The following EPHA6 variants were observed in gnomAD, a reference collection of about 807,000 sequenced individuals.
EPHA6 encodes the protein EPH receptor A6.
A neutral mutation model predicts 112.0 loss-of-function variants in EPHA6; 50 were observed. The observed-to-expected ratio is 0.45, with a 90% confidence interval of 0.36 to 0.56. EPHA6 has a LOEUF of 0.56. EPHA6 is among the 20% of genes least tolerant of loss of function. EPHA6 has a pLI of 0.00. For missense variants in EPHA6, 1,280 were observed against 1,417.4 expected (o/e 0.90, Z 1.56); for synonymous variants, 529 against 490.7 (o/e 1.08, Z -1.03).
At chr3:97,483,904 A>G in intron 9 of EPHA6, 30 bp from the exon 10 acceptor site, 2 of 1,578,670 alleles carry the variant, frequency 1.3e-6, no homozygotes, top group Non-Finnish European at 1.7e-6. Context: ...TACTCAAACT[A>G]AATCAATCGT....
intron 11 of EPHA6, among the ~76,000 whole-genome samples, chr3:97,539,888 T>G (rs2092824774): frequency 6.6e-6 from 1 of 152,066 alleles, no homozygotes; most frequent in South Asian, 2.1e-4. Flanking sequence ...ATGAAGAATG[T>G]GAAAGAAAGC....
chr3:97,283,604 AG>A (rs1559850880), intron 5 of EPHA6, among the ~76,000 whole-genome samples: 1 of 151,962 alleles, frequency 6.6e-6, no homozygotes, highest in Non-Finnish European at 1.5e-5. Flanking sequence ...GGAGCCTTTC[AG>A]GGGGGTGAGG....
At chr3:97,576,712 AATTAG>A (rs1374878325) in intron 11 of EPHA6, among the ~76,000 whole-genome samples, 1 of 152,332 alleles carries the variant, frequency 6.6e-6, no homozygotes, top group African/African-American at 2.4e-5. Context: ...GTGACATTAA[AATTAG>A]ATTAGAGATG....
chr3:96,960,387 C>G (rs1190367316), intron 2 of EPHA6, among the ~76,000 whole-genome samples: 2 of 152,172 alleles, frequency 1.3e-5, no homozygotes, highest in Non-Finnish European at 2.9e-5. Context: ...CTGGTTGCCA[C>G]TCAAACTTGG....
intron 3 of EPHA6, among the ~76,000 whole-genome samples, chr3:97,213,244 C>A (rs1262710654): frequency 6.6e-6 from 1 of 152,140 alleles, no homozygotes; most frequent in African/African-American, 2.4e-5. Context: ...TGCCCTTCTG[C>A]AACTACATTC....
chr3:97,397,806 C>G (rs2086778917), intron 5 of EPHA6, among the ~76,000 whole-genome samples: 1 of 151,176 alleles, frequency 6.6e-6, no homozygotes, highest in African/African-American at 2.4e-5. Context: ...ATAATAATTA[C>G]AGATACTATT....
At chr3:97,217,317 GA>G (rs1282976973) in intron 3 of EPHA6, among the ~76,000 whole-genome samples, 3 of 152,032 alleles carry the variant, frequency 2.0e-5, no homozygotes, top group Non-Finnish European at 2.9e-5. Flanking sequence ...ATTCAACAAA[GA>G]AGATAAAACA....
rs531783135 is a variant in EPHA6, at chr3:97,072,351, T to C, written c.1114+84358T>C. Among the ~76,000 whole-genome samples the C allele has an allele frequency of 9.2e-5, 14 of 152,144 alleles. No individual in the cohort carries two copies. The South Asian group carries it at 2.9e-3, about 32-fold the overall frequency. On this transcript the variant is annotated intron_variant, in intron 3 of 17. Transcript: ENST00000389672. ...CCCAATCCCGTATGACTGGTGTCCT[T>C]ATGAAAGAGGGAAATTTGGACATAG...
intron 10 of EPHA6, among the ~76,000 whole-genome samples, chr3:97,506,048 AATTTGTTTAAGTTCTTTGT>A (rs2092244302): frequency 6.6e-6 from 1 of 151,718 alleles, no homozygotes; most frequent in South Asian, 2.1e-4. Flanking sequence ...TTTTCTCGTA[AATTTGTTTAAGTTCTTTGT>A]AGATTCTGGA....
At chr3:97,502,985 C>T (rs1365913599) in intron 10 of EPHA6, among the ~76,000 whole-genome samples, 1 of 149,994 alleles carries the variant, frequency 6.7e-6, no homozygotes, top group African/African-American at 2.5e-5. Context: ...CTAACTCTGA[C>T]AAAACAAATC....
chr3:97,549,629 CA>C (rs1193564246), intron 11 of EPHA6, among the ~76,000 whole-genome samples: 1 of 151,932 alleles, frequency 6.6e-6, no homozygotes, highest in Non-Finnish European at 1.5e-5. Flanking sequence ...TTGGCCAAAG[CA>C]AAAAGTTTGT....
intron 9 of EPHA6, chr3:97,481,052 C>T (rs1434165543): frequency 4.8e-6 from 2 of 417,270 alleles, no homozygotes; most frequent in Non-Finnish European, 9.2e-6. Flanking sequence ...GGCAGAGAGG[C>T]TCCTCACTTC....
At chr3:97,635,834 A>C (rs1053922817) in intron 13 of EPHA6, among the ~76,000 whole-genome samples, 1 of 152,148 alleles carries the variant, frequency 6.6e-6, no homozygotes, top group Non-Finnish European at 1.5e-5. Context: ...ATTAAAAAAC[A>C]AATTGGTGCT....
intron 1 of EPHA6, among the ~76,000 whole-genome samples, chr3:96,822,499 A>T (rs1186634907): frequency 1.3e-5 from 2 of 151,782 alleles, no homozygotes; most frequent in Non-Finnish European, 3.0e-5. Flanking sequence ...ACAACTCATT[A>T]TGCTTCCTGC....
rs1211614421 is a variant in EPHA6 at position 97,636,722 on chromosome 3, G to C, written c.2575-1151G>C. Among the ~76,000 whole-genome samples, 8 of 152,002 alleles carry C rather than the reference G, an allele frequency of 5.3e-5. No individual in the cohort carries two copies. The East Asian group carries it at 1.3e-3, about 26-fold the overall frequency. ...ATCTCTGTCCTGAAGCTGCACTATG[G>C]TTTGAAATCAGATATGTATTCATAA... On this transcript the variant is annotated intron_variant, in intron 13 of 17. Transcript: ENST00000389672.
At chr3:97,345,108 G>A (rs549820767) in intron 5 of EPHA6, among the ~76,000 whole-genome samples, 74 of 152,072 alleles carry the variant, frequency 4.9e-4, no homozygotes, top group African/African-American at 1.5e-3. Flanking sequence ...ACCAACATAC[G>A]TACTATTAGT....
At chr3:96,850,257 G>C (rs541624576) in intron 1 of EPHA6, among the ~76,000 whole-genome samples, 1 of 152,108 alleles carries the variant, frequency 6.6e-6, no homozygotes, top group Admixed American at 6.6e-5. Context: ...GCATGAGGAT[G>C]TGAGAGTTTG....
intron 2 of EPHA6, among the ~76,000 whole-genome samples, chr3:96,904,496 T>C (rs1452466789): frequency 6.8e-6 from 1 of 147,908 alleles, no homozygotes; most frequent in Non-Finnish European, 1.5e-5. Context: ...TTTGGAGATA[T>C]ACCTAATGCT....
chr3:96,878,856 T>C (rs2037130296), intron 2 of EPHA6, among the ~76,000 whole-genome samples: 1 of 152,066 alleles, frequency 6.6e-6, no homozygotes, highest in Non-Finnish European at 1.5e-5. Flanking sequence ...AAAGTGAATA[T>C]TCACAAATAT....
Sources: gnomAD v4.1 joint callset for allele counts (sites outside exome capture counted in the v4.1 genomes callset) on GRCh38, gnomAD v4.1.1 for gene constraint, MANE v1.5 for transcripts, NCBI Gene and HGNC (gene_info 2026-07-23, HGNC 2026-07-21) for gene names.